The following FOXP1 variants were observed in gnomAD, a reference collection of about 807,000 sequenced individuals.
FOXP1 encodes forkhead box protein P1.
In FOXP1, 15 loss-of-function variants were observed where a neutral mutation model predicts 98.2. The ratio of observed to expected loss-of-function variants is 0.15; its 90% CI spans 0.10 to 0.24. The LOEUF (loss-of-function observed/expected upper bound fraction) is 0.24, where lower values mean the gene tolerates loss of function less well. Among genes scored for constraint, FOXP1 ranks in the 10% least tolerant of loss-of-function variants. The pLI is 1.00. For synonymous variants in FOXP1, 371 were observed against 314.5 expected (o/e 1.18, Z -1.90); for missense variants, 633 against 848.5 (o/e 0.75, Z 3.15).
At chr3:71,459,757 T>C (rs1292132689) in intron 3 of FOXP1, among the ~76,000 whole-genome samples, 1 of 152,212 alleles carries the variant, frequency 6.6e-6, no homozygotes, top group Non-Finnish European at 1.5e-5. Flanking sequence ...AAAAAGACTA[T>C]ATATCATGAT....
chr3:71,203,076 A>C (rs1277293782), intron 5 of FOXP1, among the ~76,000 whole-genome samples: 1 of 152,188 alleles, frequency 6.6e-6, no homozygotes, highest in Non-Finnish European at 1.5e-5. Context: ...AAAGTGCCTG[A>C]ATACAAAGGT....
intron 2 of FOXP1, among the ~76,000 whole-genome samples, chr3:71,510,374 G>A (rs1361525523): frequency 6.6e-6 from 1 of 152,048 alleles, no homozygotes; most frequent in African/African-American, 2.4e-5. Flanking sequence ...CTACTTGGGA[G>A]GCTGAGGCAG....
chr3:71,184,284 C>T (rs2062513547), intron 6 of FOXP1, among the ~76,000 whole-genome samples: 1 of 152,260 alleles, frequency 6.6e-6, no homozygotes, highest in East Asian at 1.9e-4. Flanking sequence ...CTGTTTTAAG[C>T]CTCTTGATGT....
intron 7 of FOXP1, among the ~76,000 whole-genome samples, chr3:71,105,558 T>C (rs1261777727): frequency 1.3e-5 from 2 of 152,206 alleles, no homozygotes; most frequent in Non-Finnish European, 2.9e-5. Context: ...ACATGTGTCA[T>C]TTTGTCAGCA....
intron 3 of FOXP1, among the ~76,000 whole-genome samples, chr3:71,404,059 C>T (rs2082119879): frequency 6.6e-6 from 1 of 150,576 alleles, no homozygotes. Context: ...AGATAATTAC[C>T]TTAGAGGAGG....
chr3:71,577,936 C>CA (rs1013004201), intron 2 of FOXP1, among the ~76,000 whole-genome samples: 6 of 151,450 alleles, frequency 4.0e-5, no homozygotes, highest in East Asian at 1.9e-4. Flanking sequence ...ACTCTAGATT[C>CA]AAAAAAACAC....
chr3:71,575,171 G>A (rs1253674390), intron 2 of FOXP1, among the ~76,000 whole-genome samples: 2 of 152,084 alleles, frequency 1.3e-5, no homozygotes, highest in African/African-American at 4.8e-5. Flanking sequence ...TCCAATACTC[G>A]TGCTTGGTTA....
chr3:71,119,485 T>C (rs1178753290), intron 6 of FOXP1, among the ~76,000 whole-genome samples: 2 of 152,086 alleles, frequency 1.3e-5, no homozygotes, highest in Admixed American at 6.6e-5. Context: ...ACTGTGGATA[T>C]AGGGGTGGGA....
chr3:71,513,478 C>T (rs754204875), intron 2 of FOXP1, among the ~76,000 whole-genome samples: 2 of 152,180 alleles, frequency 1.3e-5, no homozygotes, highest in African/African-American at 2.4e-5. Flanking sequence ...ATCATCTCCC[C>T]GCCAAGCTTC....
chr3:71,060,838 C>T (rs1183125927), intron 7 of FOXP1, among the ~76,000 whole-genome samples: 1 of 152,154 alleles, frequency 6.6e-6, no homozygotes. Context: ...TTCTAAAAAG[C>T]TCACCATAAC....
intron 11 of FOXP1, among the ~76,000 whole-genome samples, chr3:71,017,723 G>C (rs569484968): frequency 1.4e-4 from 22 of 152,158 alleles, no homozygotes; most frequent in Non-Finnish European, 8.8e-5. Flanking sequence ...TGGACATTGA[G>C]TTTCTCTTCA....
At chr3:70,993,348 G>C (rs555601363) in intron 13 of FOXP1, among the ~76,000 whole-genome samples, 1 of 152,294 alleles carries the variant, frequency 6.6e-6, no homozygotes, top group East Asian at 1.9e-4. Context: ...CCAAAGCCGG[G>C]TTTTAAAACC....
At chr3:71,456,897 A>G (rs1404720728) in intron 3 of FOXP1, among the ~76,000 whole-genome samples, 1 of 152,042 alleles carries the variant, frequency 6.6e-6, no homozygotes, top group African/African-American at 2.4e-5. Context: ...ATTGCTATAG[A>G]AAATGCCCCA....
At chr3:71,049,319 C>T (rs1057256897) in intron 9 of FOXP1, among the ~76,000 whole-genome samples, 1 of 152,172 alleles carries the variant, frequency 6.6e-6, no homozygotes, top group Non-Finnish European at 1.5e-5. Context: ...CTACCTCACC[C>T]GCACAGGATG....
chr3:71,492,605 C>G (rs758006582), intron 3 of FOXP1, among the ~76,000 whole-genome samples: 2 of 152,136 alleles, frequency 1.3e-5, no homozygotes, highest in Non-Finnish European at 2.9e-5. Context: ...TGCACTAAGA[C>G]AGAAAAAGAT....
chr3:71,130,991 G>C, intron 6 of FOXP1: 1 of 910,360 alleles, frequency 1.1e-6, no homozygotes, highest in Non-Finnish European at 1.3e-6. Context: ...ACAGGGTTTC[G>C]GGAAACCTGC....
intron 7 of FOXP1, among the ~76,000 whole-genome samples, chr3:71,101,915 C>T (rs996503842): frequency 2.0e-5 from 3 of 152,122 alleles, no homozygotes; most frequent in Admixed American, 6.5e-5. Context: ...GGACAAGGGC[C>T]GGCGCTCTTT....
At chr3:71,070,818 C>T (rs1336101451) in intron 7 of FOXP1, among the ~76,000 whole-genome samples, 2 of 152,196 alleles carry the variant, frequency 1.3e-5, no homozygotes, top group Non-Finnish European at 2.9e-5. Flanking sequence ...AAATATATCT[C>T]CAAGACGGGA....
At chr3:71,490,496 CT>C (rs2090986409) in intron 3 of FOXP1, among the ~76,000 whole-genome samples, 1 of 149,076 alleles carries the variant, frequency 6.7e-6, no homozygotes. Context: ...AAAACTCTGT[CT>C]TAAAAAAAAA....
Sources: gnomAD v4.1 joint callset for allele counts (sites outside exome capture counted in the v4.1 genomes callset) on GRCh38, gnomAD v4.1.1 for gene constraint, MANE v1.5 for transcripts, NCBI Gene and HGNC (gene_info 2026-07-23, HGNC 2026-07-21) for gene names.